The following FANCD2 variants were observed in gnomAD, a reference collection of about 807,000 sequenced individuals.
FANCD2 encodes the protein FA complementation group D2.
In FANCD2, 131 loss-of-function variants were observed where a neutral mutation model predicts 192.3. That is an observed-to-expected ratio of 0.68 (90% CI 0.59 to 0.79). The LOEUF (loss-of-function observed/expected upper bound fraction) is 0.79. Among genes scored for constraint, FANCD2 ranks in the 30% least tolerant of loss-of-function variants. FANCD2 has a pLI of 0.00. For missense variants in FANCD2, 1,508 were observed against 1,701.6 expected (o/e 0.89, Z 2.00); for synonymous variants, 524 against 612.5 (o/e 0.86, Z 2.13).
chr3:10,033,842 C>T (rs1559370137), intron 3 of FANCD2, among the ~76,000 whole-genome samples: 1 of 150,768 alleles, frequency 6.6e-6, no homozygotes, highest in Non-Finnish European at 1.5e-5. Context: ...GGACTACAGG[C>T]GCCCGCCACC....
At chr3:10,097,895 A>G (rs1167275050) in intron 42 of FANCD2, among the ~76,000 whole-genome samples, 2 of 152,178 alleles carry the variant, frequency 1.3e-5, no homozygotes, top group Non-Finnish European at 2.9e-5. Flanking sequence ...TTCACAATCC[A>G]CGTTCTTCTG....
At chr3:10,075,627 CAG>C (rs1414965091) in intron 29 of FANCD2, among the ~76,000 whole-genome samples, 2 of 151,582 alleles carry the variant, frequency 1.3e-5, no homozygotes, top group African/African-American at 4.9e-5. Context: ...GGGATTTCAT[CAG>C]AGAGTAGAAT....
intron 1 of FANCD2, 69 bp from the exon 2 acceptor site, chr3:10,028,556 G>T: frequency 9.4e-7 from 1 of 1,066,970 alleles, no homozygotes; most frequent in South Asian, 1.3e-5. Context: ...AGTTTTCTTT[G>T]AACAATAGCT....
intron 34 of FANCD2, among the ~76,000 whole-genome samples, chr3:10,087,803 C>T (rs1002146315): frequency 1.3e-5 from 2 of 152,180 alleles, no homozygotes; most frequent in African/African-American, 2.4e-5. Context: ...TGCGCACCAC[C>T]GTGCCCAGCC....
At chr3:10,054,186 A>T (rs1246792915) in intron 18 of FANCD2, among the ~76,000 whole-genome samples, 9 of 151,454 alleles carry the variant, frequency 5.9e-5, no homozygotes, top group Admixed American at 4.0e-4. Flanking sequence ...CACTCCAGCC[A>T]GGGCAACAGA....
intron 3 of FANCD2, among the ~76,000 whole-genome samples, chr3:10,033,741 C>T (rs1341618610): frequency 2.4e-5 from 3 of 127,266 alleles, no homozygotes; most frequent in African/African-American, 9.4e-5. Flanking sequence ...TGCTCTGTCG[C>T]CCAGGCTGGA....
intron 36 of FANCD2, 39 bp from the exon 37 acceptor site, chr3:10,090,253 C>T (rs1385808349): frequency 1.4e-6 from 2 of 1,437,014 alleles, no homozygotes; most frequent in East Asian, 2.3e-5. Flanking sequence ...CTAAGCAGTG[C>T]ATCATGGTGT....
chr3:10,039,772 C>T lies in FANCD2; in HGVS notation c.622C>T (p.Gln208Ter), dbSNP rs2124985194. 6.2e-7 allele frequency: 1 copy of T among 1,613,932 alleles called. No homozygotes were observed. Among genetic ancestry groups the T allele is most frequent in the Non-Finnish European group, 8.5e-7 (1 of 1,179,950 alleles). ...GATCAGTATTGCTCCAGAGAACCTG[C>T]AGCATGACATCATCACCAGCCTACC... Reference protein sequence around the residue: ...QLISIAPENLQHDIITSLPEI... With the variant: ...QLISIAPENL The change falls in exon 9 of 44, where the codon CAG becomes TAG. Residue 208 changes from glutamine to a stop codon, truncating the protein, a stop_gained. Coordinates refer to ENST00000675286, the MANE Select transcript of FANCD2 (RefSeq NM_001018115.3). LOFTEE classifies it high-confidence loss of function.
intron 32 of FANCD2, among the ~76,000 whole-genome samples, chr3:10,082,531 G>A (rs1003888746): frequency 6.6e-6 from 1 of 152,070 alleles, no homozygotes; most frequent in South Asian, 2.1e-4. Context: ...TCTGACTCCT[G>A]CTATTCCACT....
At chr3:10,066,542 C>T (rs1255476416) in intron 25 of FANCD2, among the ~76,000 whole-genome samples, 2 of 152,186 alleles carry the variant, frequency 1.3e-5, no homozygotes, top group Admixed American at 6.5e-5. Context: ...TAAGTACTTA[C>T]ACTGTACCAA....
chr3:10,054,449 A>ATATG (rs1476069097), intron 18 of FANCD2, among the ~76,000 whole-genome samples: 1 of 21,282 alleles, frequency 4.7e-5, no homozygotes, highest in Non-Finnish European at 7.3e-5. Flanking sequence ...GTATATACAT[A>ATATG]TATATATATA....
In FANCD2 at chr3:10,074,544, G is replaced by A. The variant is rs369241246; in HGVS notation, c.2730G>A (p.Lys910=). The A allele has an allele frequency of 1.2e-6, 2 of 1,613,600 alleles. No homozygotes were observed. Among genetic ancestry groups the A allele is most frequent in the Non-Finnish European group, 1.7e-6 (2 of 1,179,806 alleles). Residue 910 remains lysine, a synonymous_variant, in exon 29 of 44, where the codon AAG becomes AAA. Coordinates refer to ENST00000675286, the MANE Select transcript of FANCD2 (RefSeq NM_001018115.3). ...CTTCCCCATAGGAGTTCACAGGGAAGGAAGAAAAGACATCATTGTTACTAC... is the reference window on the plus strand; with the variant it reads ...CTTCCCCATAGGAGTTCACAGGGAAAGAAGAAAAGACATCATTGTTACTAC... The part of the protein sequence containing the change: ...RGQLNKEFTG[K]EEKTSLLLHN...
intron 9 of FANCD2, chr3:10,040,790 C>T (rs2086844955): frequency 3.0e-6 from 1 of 333,186 alleles, no homozygotes; most frequent in East Asian, 8.7e-5. Context: ...GATTTCTTGC[C>T]CTCATCCTTT....
chr3:10,087,485 T>G (rs956400901), intron 34 of FANCD2, among the ~76,000 whole-genome samples: 4 of 151,416 alleles, frequency 2.6e-5, no homozygotes, highest in Non-Finnish European at 5.9e-5. Context: ...GCTGAGTAGA[T>G]AGTTTTCTCT....
chr3:10,082,206 T>C (rs1206332259), intron 32 of FANCD2, among the ~76,000 whole-genome samples: 1 of 152,200 alleles, frequency 6.6e-6, no homozygotes, highest in Non-Finnish European at 1.5e-5. Flanking sequence ...CCAGGAGTTA[T>C]TCTTTGTCCC....
intron 32 of FANCD2, among the ~76,000 whole-genome samples, chr3:10,082,067 G>A (rs531990743): frequency 1.3e-5 from 2 of 152,180 alleles, no homozygotes; most frequent in South Asian, 2.1e-4. Flanking sequence ...AACTGCCTAC[G>A]CAACACCTCC....
Position 10,032,817 on chromosome 3 carries a change from T to G in FANCD2, c.65-15T>G. On this transcript the variant is annotated splice_polypyrimidine_tract_variant and intron_variant, in intron 2 of 43. Transcript: ENST00000675286. Reference sequence around the variant, plus strand: ...TTACTATTTGCCATATTCTTGAAAATTTTTCTATTTTCAGAAACCAGGAAG... The same window carrying G: ...TTACTATTTGCCATATTCTTGAAAAGTTTTCTATTTTCAGAAACCAGGAAG... 1 of 1,608,270 alleles carries G rather than the reference T, an allele frequency of 6.2e-7. No individual in the cohort carries two copies. The highest frequency in any genetic ancestry group is 8.5e-7 in the Non-Finnish European group (1 of 1,176,002).
At chr3:10,026,631 C>G (rs1453569485) in intron 1 of FANCD2, 158 bp downstream of exon 1, 1 of 155,112 alleles carries the variant, frequency 6.4e-6, no homozygotes, top group African/African-American at 2.4e-5. Flanking sequence ...CCACAGGTAC[C>G]TTTCTGCGTC....
chr3:10,090,440 CTGAT>C, intron 37 of FANCD2, 55 bp downstream of exon 37: 7 of 552,948 alleles, frequency 1.3e-5, no homozygotes, highest in Middle Eastern at 4.9e-4. Context: ...TTGGAAGTTG[CTGAT>C]TTTTTTTTTT....
Sources: gnomAD v4.1 joint callset for allele counts (sites outside exome capture counted in the v4.1 genomes callset) on GRCh38, gnomAD v4.1.1 for gene constraint, MANE v1.5 for transcripts, NCBI Gene and HGNC (gene_info 2026-07-23, HGNC 2026-07-21) for gene names.